The following TBC1D32 variants were observed in gnomAD, a reference collection of about 807,000 sequenced individuals.
TBC1D32 encodes the protein protein broad-minded.
Under a neutral mutation model 170.3 loss-of-function variants are expected in TBC1D32, and 151 were observed. The observed-to-expected ratio is 0.89, with a 90% confidence interval of 0.78 to 1.01. The LOEUF is 1.01. Ranked by LOEUF, TBC1D32 falls within the 50% of genes least tolerant of loss-of-function variation. The pLI is 0.00. For synonymous variants in TBC1D32, 498 were observed against 488.0 expected, an observed-to-expected ratio of 1.02 and a Z score of -0.27; for missense variants, 1,464 against 1,457.1, an observed-to-expected ratio of 1.00 and a Z score of -0.08.
At chr6:121,159,987 G>A in intron 24 of TBC1D32, 23 bp downstream of exon 24, 5 of 1,428,372 alleles carry the variant, frequency 3.5e-6, no homozygotes, top group Non-Finnish European at 4.9e-6. Flanking sequence ...AAATAATATG[G>A]CATTTGATGG....
At chr6:121,231,934 C>A (rs1795794414) in intron 20 of TBC1D32, among the ~76,000 whole-genome samples, 1 of 152,024 alleles carries the variant, frequency 6.6e-6, no homozygotes, top group Admixed American at 6.6e-5. Context: ...TAAGTCCCAT[C>A]TATTTATCTT....
intron 5 of TBC1D32, among the ~76,000 whole-genome samples, chr6:121,306,918 A>T (rs1026442482): frequency 6.6e-6 from 1 of 152,254 alleles, no homozygotes; most frequent in African/African-American, 2.4e-5. Context: ...GCAGTTAAGC[A>T]ATCTCTAAGT....
chr6:121,304,925 AAAAT>A (rs1323921720), intron 5 of TBC1D32, 92 bp from the exon 6 acceptor site: 20 of 824,956 alleles, frequency 2.4e-5, no homozygotes, highest in Middle Eastern at 7.3e-4. Context: ...CTCAGAAAAT[AAAAT>A]AAATACAAAT....
chr6:121,172,195 G>A (rs1029899245), intron 22 of TBC1D32, among the ~76,000 whole-genome samples: 1 of 152,094 alleles, frequency 6.6e-6, no homozygotes, highest in Non-Finnish European at 1.5e-5. Context: ...GGAACTGTGA[G>A]TCCATTAAAC....
At chr6:121,210,603 T>C (rs548743248) in intron 21 of TBC1D32, among the ~76,000 whole-genome samples, 2 of 152,248 alleles carry the variant, frequency 1.3e-5, no homozygotes, top group South Asian at 4.1e-4. Context: ...CAAACACAAA[T>C]GCAAGCACTG....
In TBC1D32 at chr6:121,098,192, G is replaced by GAATAAT. The variant is rs150038060; in HGVS notation, c.3466-7157_3466-7152dup. On this transcript the variant is annotated intron_variant, in intron 30 of 31. Coordinates refer to ENST00000398212, the MANE Select transcript of TBC1D32 (RefSeq NM_152730.6). ...CACATGTATCCCAGAACTTAAAGTA[G>GAATAAT]AATAATAATAATAATAATAATAATA... is the stretch of plus-strand genomic sequence containing the variant. 5.9e-3 allele frequency among the ~76,000 whole-genome samples: 878 copies of GAATAAT among 148,882 alleles called. 2 individuals are homozygous for GAATAAT. The highest frequency in any genetic ancestry group is 0.014 in the Middle Eastern group (4 of 288).
In TBC1D32 at chr6:121,100,841, C is replaced by A. The variant is rs146145259; in HGVS notation, c.3465+5182G>T. 1.6e-3 allele frequency among the ~76,000 whole-genome samples: 240 copies of A among 151,192 alleles called. 1 individual carries two copies. Among genetic ancestry groups the A allele is most frequent in the African/African-American group, 5.6e-3 (231 of 41,286 alleles). ...TCAACAAGATTGATAGACTGCTAGC[C>A]AGACTAATAAAGAAGGAAAGAGAGA... On this transcript the variant is annotated intron_variant, in intron 30 of 31. Coordinates refer to ENST00000398212, the MANE Select transcript of TBC1D32 (RefSeq NM_152730.6).
chr6:121,104,119 T>A (rs1778441449), intron 30 of TBC1D32, among the ~76,000 whole-genome samples: 1 of 151,740 alleles, frequency 6.6e-6, no homozygotes, highest in Non-Finnish European at 1.5e-5. Flanking sequence ...TGATATAAAG[T>A]TTCTTCAAAA....
rs538998725 is a variant in TBC1D32 at position 121,214,863 on chromosome 6, A to T, written c.2481+8373T>A. Among the ~76,000 whole-genome samples the T allele has an allele frequency of 2.9e-4, 44 of 152,272 alleles. 2 individuals are homozygous for T. Among genetic ancestry groups the T allele is most frequent in the African/African-American group, 1.1e-3 (44 of 41,568 alleles). ...TCCAGGAAGAATGAGGTATGTAGAC[A>T]ACTGGAGGGTGAGCAAAGCAAAGAG... On this transcript the variant is annotated intron_variant, in intron 21 of 31. Coordinates refer to ENST00000398212, the MANE Select transcript of TBC1D32 (RefSeq NM_152730.6).
intron 21 of TBC1D32, among the ~76,000 whole-genome samples, chr6:121,210,307 G>GA (rs1303610972): frequency 6.6e-6 from 1 of 152,112 alleles, no homozygotes; most frequent in Non-Finnish European, 1.5e-5. Flanking sequence ...CTGTTCAGAT[G>GA]AAAAAATACA....
intron 27 of TBC1D32, among the ~76,000 whole-genome samples, chr6:121,114,030 T>C (rs1022554583): frequency 2.0e-5 from 3 of 152,024 alleles, no homozygotes; most frequent in African/African-American, 7.2e-5. Context: ...AAAAATTAGC[T>C]GGGCATGGTG....
intron 1 of TBC1D32, among the ~76,000 whole-genome samples, chr6:121,328,766 G>A (rs1810810250): frequency 6.6e-6 from 1 of 152,126 alleles, no homozygotes; most frequent in African/African-American, 2.4e-5. Context: ...TAATGGTGAT[G>A]ATAATCTTAA....
intron 1 of TBC1D32, 128 bp downstream of exon 1, chr6:121,334,148 A>G (rs567616128): frequency 1.4e-6 from 1 of 722,516 alleles, no homozygotes; most frequent in South Asian, 2.2e-5. Flanking sequence ...TTGGCAAATA[A>G]GAGAAAAAGT....
intron 22 of TBC1D32, among the ~76,000 whole-genome samples, chr6:121,201,953 A>C (rs1791625622): frequency 6.6e-6 from 1 of 151,222 alleles, no homozygotes; most frequent in Non-Finnish European, 1.5e-5. Flanking sequence ...TGGGTCACTT[A>C]ATGAGACAGA....
rs530687715 is a variant in TBC1D32, at chr6:121,112,804, A to T, written c.3170-145T>A. 11 of 810,110 alleles carry T rather than the reference A, an allele frequency of 1.4e-5. No homozygotes were observed. The South Asian group carries it at 3.0e-4, about 22-fold the overall frequency. The allele number at this position is 810,110 out of a possible 1,614,324, so 50.2% of individuals were successfully genotyped here. A position where few individuals can be genotyped will look rare whatever the true frequency, so the allele number is the denominator to read the frequency against. On this transcript the variant is annotated intron_variant, in intron 28 of 31. Transcript: ENST00000398212. ...AAACTTAGTTTTTAAATATTCTTAG[A>T]CATGTCTGAAAATACATTCTAATGT...
At chr6:121,299,960 CA>C (rs1170362392) in intron 9 of TBC1D32, among the ~76,000 whole-genome samples, 2 of 152,124 alleles carry the variant, frequency 1.3e-5, no homozygotes, top group African/African-American at 4.8e-5. Flanking sequence ...CATTTTCTGC[CA>C]ACCATATTTA....
At chr6:121,188,756 A>AAT (rs1314891505) in intron 22 of TBC1D32, among the ~76,000 whole-genome samples, 2 of 152,166 alleles carry the variant, frequency 1.3e-5, no homozygotes, top group Non-Finnish European at 2.9e-5. Context: ...GACTTTTTAA[A>AAT]ATATGTACAT....
intron 26 of TBC1D32, among the ~76,000 whole-genome samples, chr6:121,120,910 T>A (rs908107765): frequency 7.2e-5 from 11 of 152,168 alleles, no homozygotes; most frequent in East Asian, 1.9e-4. Flanking sequence ...CAGGTTTGCA[T>A]TAGATATCAT....
At chr6:121,148,603 T>G (rs1264198200) in intron 24 of TBC1D32, among the ~76,000 whole-genome samples, 2 of 152,076 alleles carry the variant, frequency 1.3e-5, no homozygotes, top group East Asian at 3.9e-4. Flanking sequence ...TGACCAACAG[T>G]GTAAAAGCGT....
Sources: allele counts gnomAD v4.1 joint callset (sites outside exome capture counted in the v4.1 genomes callset), GRCh38; gene constraint gnomAD v4.1.1; transcripts MANE v1.5; gene names NCBI Gene and HGNC (gene_info 2026-07-23, HGNC 2026-07-21).